GSTCD: variants seen among roughly 807,000 people sequenced by gnomAD.
GSTCD encodes glutathione S-transferase C-terminal domain containing.
Under a neutral mutation model 68.3 loss-of-function variants are expected in GSTCD, and 44 were observed. The ratio of observed to expected loss-of-function variants is 0.64; its 90% CI spans 0.51 to 0.83. The LOEUF (loss-of-function observed/expected upper bound fraction) is 0.83, where lower values mean the gene tolerates loss of function less well. GSTCD is among the 40% of genes least tolerant of loss of function. GSTCD has a pLI of 0.00. For synonymous variants in GSTCD, 273 were observed against 255.2 expected (o/e 1.07, Z -0.67); for missense variants, 739 against 735.9 (o/e 1.00, Z -0.05).
chr4:105,746,175 A>C (rs1460088899), intron 5 of GSTCD: 4 of 152,176 alleles, frequency 2.6e-5, no homozygotes, highest in Non-Finnish European at 4.4e-5. Flanking sequence ...TAAACAGTTG[A>C]TTGACACATA....
chr4:105,725,098 A>G (rs1262307233), intron 3 of GSTCD, among the ~76,000 whole-genome samples: 1 of 152,086 alleles, frequency 6.6e-6, no homozygotes, highest in Non-Finnish European at 1.5e-5. Context: ...AAAGTTTTCC[A>G]AAATGATTTT....
chr4:105,795,220 T>C (rs1217344601), intron 5 of GSTCD, among the ~76,000 whole-genome samples: 2 of 152,080 alleles, frequency 1.3e-5, no homozygotes, highest in Admixed American at 6.5e-5. Flanking sequence ...ACTTGTTGTT[T>C]ATTTTTCCAT....
chr4:105,823,455 A>C (rs1340326735), intron 7 of GSTCD, 180 bp downstream of exon 7: 1 of 475,526 alleles, frequency 2.1e-6, no homozygotes. Context: ...AAAAAAAAGT[A>C]AAGTAAGATC....
intron 5 of GSTCD, 112 bp downstream of exon 5, chr4:105,729,611 A>G (rs1733161723): frequency 1.9e-6 from 1 of 521,316 alleles, no homozygotes; most frequent in African/African-American, 1.9e-5. Flanking sequence ...TGATTATACT[A>G]TCAGTTGAGT....
At position 105,794,851 on chromosome 4, in the gene GSTCD, C is replaced by T. The variant is rs868090395; in HGVS notation, c.1241-28103C>T. 2.6e-3 allele frequency among the ~76,000 whole-genome samples: 334 copies of T among 129,824 alleles called. 2 individuals are homozygous for T. Among genetic ancestry groups the T allele is most frequent in the Non-Finnish European group, 4.1e-3 (252 of 61,596 alleles). The allele number at this position is 129,824 out of a possible 152,430, so 85.2% of individuals were successfully genotyped here. Reference sequence around the variant, plus strand: ...TCTATCTATCTATTTATCTATCTATCTATCTATCTATCTATCTATCTATCT... The same window carrying T: ...TCTATCTATCTATTTATCTATCTATTTATCTATCTATCTATCTATCTATCT... On this transcript the variant is annotated intron_variant, in intron 5 of 11. Transcript: ENST00000515279.
chr4:105,824,435 A>G (rs1386640695), intron 7 of GSTCD, among the ~76,000 whole-genome samples: 1 of 152,182 alleles, frequency 6.6e-6, no homozygotes, highest in Non-Finnish European at 1.5e-5. Context: ...GTTGAAACCA[A>G]AAATGAGTAA....
intron 5 of GSTCD, among the ~76,000 whole-genome samples, chr4:105,792,954 A>G (rs1394637007): frequency 6.6e-6 from 1 of 152,098 alleles, no homozygotes; most frequent in Non-Finnish European, 1.5e-5. Context: ...AGGAAAGCCT[A>G]CAGTTTCTAT....
intron 5 of GSTCD, among the ~76,000 whole-genome samples, chr4:105,770,341 A>T (rs1214135925): frequency 6.7e-6 from 1 of 149,136 alleles, no homozygotes; most frequent in African/African-American, 2.4e-5. Context: ...AACAAAAATT[A>T]ACTGTCTGTT....
rs1310834701 is a variant in GSTCD, at chr4:105,845,869, C to T, written c.*292C>T. On this transcript the variant is annotated 3_prime_UTR_variant, in exon 12 of 12. Transcript: ENST00000515279. ...GTTCCATCACAGGAATAACAATTTC[C>T]TTCTCACTTCACAAGCTCCTCTGAT... 3.1e-6 allele frequency: 1 copy of T among 323,478 alleles called. No individual in the cohort carries two copies. Among genetic ancestry groups the T allele is most frequent in the Non-Finnish European group, 5.8e-6 (1 of 171,024 alleles). The allele number at this position is 323,478 out of a possible 1,614,324, so 20.0% of individuals were successfully genotyped here. A position where few individuals can be genotyped will look rare whatever the true frequency, so the allele number is the denominator to read the frequency against.
At chr4:105,835,689 G>A (rs566809211) in intron 9 of GSTCD, among the ~76,000 whole-genome samples, 85 of 152,216 alleles carry the variant, frequency 5.6e-4, no homozygotes, top group African/African-American at 1.8e-3. Context: ...GTATTTGGGG[G>A]CAGGGGGGCA....
intron 5 of GSTCD, among the ~76,000 whole-genome samples, chr4:105,793,608 C>A (rs567916460): frequency 1.3e-5 from 2 of 151,970 alleles, no homozygotes; most frequent in South Asian, 2.1e-4. Context: ...TACCACCCTA[C>A]CTATATTTTT....
intron 5 of GSTCD, among the ~76,000 whole-genome samples, chr4:105,772,091 G>C (rs937838977): frequency 6.6e-6 from 1 of 152,134 alleles, no homozygotes; most frequent in Non-Finnish European, 1.5e-5. Context: ...CACATCCATT[G>C]TAAGTTGTAT....
chr4:105,755,228 A>C (rs1477891402), intron 5 of GSTCD, among the ~76,000 whole-genome samples: 1 of 151,742 alleles, frequency 6.6e-6, no homozygotes, highest in African/African-American at 2.4e-5. Flanking sequence ...CCTGGGTAAC[A>C]GTGAGACCCT....
chr4:105,789,818 C>T (rs1274563472), intron 5 of GSTCD, among the ~76,000 whole-genome samples: 1 of 151,484 alleles, frequency 6.6e-6, no homozygotes, highest in Non-Finnish European at 1.5e-5. Context: ...CACAGAGACC[C>T]GAATAAGTGA....
rs376464110 is a variant in GSTCD at position 105,779,462 on chromosome 4, A to T, written c.1241-43492A>T. 7.9e-5 allele frequency among the ~76,000 whole-genome samples: 12 copies of T among 152,346 alleles called. No homozygotes were observed. The South Asian group carries it at 2.5e-3, about 32-fold the overall frequency. On this transcript the variant is annotated intron_variant, in intron 5 of 11. Transcript: ENST00000515279. Reference sequence around the variant, plus strand: ...TTTTATAATTTTTTAGAATGTTTGAAAACTTATATTTCTCAATTTTATTTA... The same window carrying T: ...TTTTATAATTTTTTAGAATGTTTGATAACTTATATTTCTCAATTTTATTTA...
At chr4:105,829,217 C>T (rs999095315) in intron 8 of GSTCD, among the ~76,000 whole-genome samples, 1 of 151,122 alleles carries the variant, frequency 6.6e-6, no homozygotes, top group Non-Finnish European at 1.5e-5. Flanking sequence ...AGAAAGGCAC[C>T]TATCCAGGCT....
chr4:105,715,639 T>C (rs1357091570), intron 1 of GSTCD, among the ~76,000 whole-genome samples: 1 of 151,326 alleles, frequency 6.6e-6, no homozygotes, highest in Non-Finnish European at 1.5e-5. Context: ...AATGAAGAAC[T>C]AAGAAGCTTA....
At chr4:105,753,827 A>G in intron 5 of GSTCD, among the ~76,000 whole-genome samples, 1 of 151,960 alleles carries the variant, frequency 6.6e-6, no homozygotes, top group Non-Finnish European at 1.5e-5. Flanking sequence ...TATTAATTCC[A>G]TTTTGTACAT....
At chr4:105,810,600 C>T (rs759520230) in intron 5 of GSTCD, among the ~76,000 whole-genome samples, 6 of 152,024 alleles carry the variant, frequency 3.9e-5, no homozygotes, top group South Asian at 2.1e-4. Context: ...TTGATTTTAA[C>T]GGTGAACACT....
Sources: allele counts gnomAD v4.1 joint callset (sites outside exome capture counted in the v4.1 genomes callset), GRCh38; gene constraint gnomAD v4.1.1; transcripts MANE v1.5; gene names NCBI Gene and HGNC (gene_info 2026-07-23, HGNC 2026-07-21).